Variants in UPF3A observed in about 807,000 individuals in gnomAD.
The protein encoded by UPF3A is regulator of nonsense transcripts 3A.
Under a neutral mutation model 53.5 loss-of-function variants are expected in UPF3A, and 42 were observed. The ratio of observed to expected loss-of-function variants is 0.78; its 90% confidence interval spans 0.61 to 1.01. The LOEUF (loss-of-function observed/expected upper bound fraction) is 1.01, where lower values mean the gene tolerates loss of function less well. Ranked by LOEUF, UPF3A falls within the 50% of genes least tolerant of loss-of-function variation. The pLI is 0.00. For missense variants in UPF3A, 575 were observed against 598.0 expected (o/e 0.96, Z 0.40); for synonymous variants, 237 against 225.3 (o/e 1.05, Z -0.47).
chr13:114,297,839 A>G (rs80296471), intron 7 of UPF3A, among the ~76,000 whole-genome samples: 9,003 of 152,182 alleles, frequency 0.059, 325 homozygotes, highest in Middle Eastern at 0.13. Flanking sequence ...AAAAAAAACA[A>G]CAAACAAAAA....
intron 3 of UPF3A, 196 bp downstream of exon 3, chr13:114,283,139 C>T: frequency 2.1e-6 from 1 of 479,764 alleles, no homozygotes; most frequent in South Asian, 2.3e-5. Context: ...CTCCAGCCTC[C>T]TAGGTAGCAG....
In UPF3A at chr13:114,281,727, G is replaced by T; in HGVS notation, c.88G>T (p.Glu30Ter). 3 of 1,557,444 alleles carry T rather than the reference G, an allele frequency of 1.9e-6. No homozygotes were observed. Among genetic ancestry groups the T allele is most frequent in the Non-Finnish European group, 2.6e-6 (3 of 1,151,586 alleles). The change falls in exon 1 of 10, where the codon GAA becomes TAA. Residue 30 changes from glutamate (E) to a stop codon, truncating the protein, a stop_gained. Coordinates refer to ENST00000375299, the MANE Select transcript of UPF3A (RefSeq NM_023011.4). LOFTEE classifies it high-confidence loss of function. ...CGGGAGGGAGAAGCTGTCGGCCCTA[G>T]AAGTGCAGTTCCACCGCGACTCGCA... ...PSGREKLSAL[E>*]VQFHRDSQQQ...
intron 7 of UPF3A, among the ~76,000 whole-genome samples, chr13:114,298,622 A>G (rs1338092350): frequency 3.9e-5 from 6 of 152,224 alleles, no homozygotes; most frequent in Non-Finnish European, 7.3e-5. Context: ...TTTGCATCAC[A>G]TTAACCTACC....
intron 2 of UPF3A, 112 bp from the exon 3 acceptor site, chr13:114,282,725 C>T: frequency 2.0e-6 from 3 of 1,501,824 alleles, no homozygotes; most frequent in African/African-American, 1.4e-5. Flanking sequence ...GATGATTTGG[C>T]ACAAAAGTTT....
chr13:114,282,258 C>G (rs2084153144), intron 2 of UPF3A, 131 bp downstream of exon 2: 3 of 854,026 alleles, frequency 3.5e-6, no homozygotes, highest in Non-Finnish European at 3.5e-6. Context: ...TGAATAAATA[C>G]ATTTCAGTAA....
At position 114,282,848 on chromosome 13, in the gene UPF3A, A is replaced by T; in HGVS notation, c.326A>T (p.His109Leu). Residue 109 changes from histidine to leucine, a missense_variant, in exon 3 of 10, where the codon CAT becomes CTT. His to Leu is a moderately conservative substitution (Grantham distance 99, BLOSUM62 -3). Coordinates refer to ENST00000375299, the MANE Select transcript of UPF3A (RefSeq NM_023011.4). The part of the protein sequence containing the change: ...FFAADLSLYP[H>L]LYSRAYINFR... ...ATCTCTTATTTCAGTCTTTATCCTC[A>T]TCTCTACTCAAGAGCATACATTAAT... The T allele has an allele frequency of 3.7e-6, 6 of 1,606,996 alleles. No homozygotes were observed. The highest frequency in any genetic ancestry group is 5.1e-6 in the Non-Finnish European group (6 of 1,175,808).
At chr13:114,294,422 T>C (rs1316203247) in intron 7 of UPF3A, among the ~76,000 whole-genome samples, 1 of 151,834 alleles carries the variant, frequency 6.6e-6, no homozygotes, top group Non-Finnish European at 1.5e-5. Flanking sequence ...CATACCTGAA[T>C]AGCTAATTTA....
intron 7 of UPF3A, among the ~76,000 whole-genome samples, chr13:114,297,327 A>G (rs1484277362): frequency 6.6e-6 from 1 of 152,114 alleles, no homozygotes; most frequent in African/African-American, 2.4e-5. Context: ...GGCAGATGAA[A>G]TATGTCGTGG....
intron 7 of UPF3A, among the ~76,000 whole-genome samples, chr13:114,295,300 G>GCTCTGGCCTGCTCCCC: frequency 6.6e-6 from 1 of 152,128 alleles, no homozygotes; most frequent in African/African-American, 2.4e-5. Context: ...GGGCGTGGCA[G>GCTCTGGCCTGCTCCCC]AGCTGGCCTG....
At chr13:114,295,005 G>A (rs2085723958) in intron 7 of UPF3A, among the ~76,000 whole-genome samples, 1 of 149,508 alleles carries the variant, frequency 6.7e-6, no homozygotes, top group South Asian at 2.1e-4. Flanking sequence ...CCAGCTACTT[G>A]GAAGGCTGAG....
intron 7 of UPF3A, among the ~76,000 whole-genome samples, chr13:114,294,789 C>T (rs373883369): frequency 6.6e-6 from 1 of 151,666 alleles, no homozygotes; most frequent in Non-Finnish European, 1.5e-5. Flanking sequence ...CACGCCACTG[C>T]ACTCCAGCCT....
intron 3 of UPF3A, chr13:114,285,900 T>C (rs2084637500): frequency 6.0e-6 from 1 of 165,336 alleles, no homozygotes; most frequent in African/African-American, 2.4e-5. Context: ...CGATAAATTA[T>C]TTGGGATGGG....
Position 114,304,791 on chromosome 13 carries a change from C to A in UPF3A, c.1305C>A (p.Asp435Glu). The A allele has an allele frequency of 6.2e-7, 1 of 1,613,536 alleles. No homozygotes were observed. ...APRKERLANK[D>E]RPALQLYDPG... The stretch of plus-strand genomic sequence containing the variant: ...AACATGCCCTCTTATCCTGGCAGGA[C>A]CGGCCAGCCTTGCAGCTGTATGATC... Residue 435 changes from aspartate to glutamate, a missense_variant and splice_region_variant, in exon 10 of 10, where the codon GAC becomes GAA. This residue lies in a region of UPF3A where 323 missense variants were observed against 415.2 expected (regional missense o/e 0.78). Coordinates refer to ENST00000375299, the MANE Select transcript of UPF3A (RefSeq NM_023011.4).
At chr13:114,281,993 G>T (rs182448212) in intron 1 of UPF3A, 28 bp from the exon 2 acceptor site, 828 of 1,508,808 alleles carry the variant, frequency 5.5e-4, no homozygotes, top group Non-Finnish European at 7.0e-4. Flanking sequence ...GCTCCGCCCC[G>T]GTGGGAACGG....
chr13:114,304,309 C>T (rs2086849532), intron 9 of UPF3A, among the ~76,000 whole-genome samples: 1 of 152,222 alleles, frequency 6.6e-6, no homozygotes, highest in South Asian at 2.1e-4. Context: ...CTTCATGGGT[C>T]ATTTTTATTG....
At position 114,291,669 on chromosome 13, in the gene UPF3A, G is replaced by A. The variant is rs996732768; in HGVS notation, c.723G>A (p.Arg241=). 1 of 1,607,980 alleles carries A rather than the reference G, an allele frequency of 6.2e-7. No individual in the cohort carries two copies. The highest frequency in any genetic ancestry group is 8.5e-7 in the Non-Finnish European group (1 of 1,178,170). The change falls in exon 7 of 10, where the codon AGG becomes AGA. Residue 241 remains arginine, a synonymous_variant. Coordinates refer to ENST00000375299, the MANE Select transcript of UPF3A (RefSeq NM_023011.4). ...AAGAGAAGCGAGAAGAACGGAGGAG[G>A]AGAGAGTTAGAAAAGAAACGTTTGC... ...IREEKREERR[R]RELEKKRLRE... is the part of the protein sequence containing the mutation.
intron 7 of UPF3A, among the ~76,000 whole-genome samples, chr13:114,295,426 C>T (rs533518415): frequency 3.9e-5 from 6 of 152,110 alleles, no homozygotes; most frequent in South Asian, 2.1e-4. Context: ...TCGTCTCCAG[C>T]GGCTCTGGCC....
intron 8 of UPF3A, among the ~76,000 whole-genome samples, 191 bp from the exon 9 acceptor site, chr13:114,301,540 C>T (rs891385039): frequency 4.6e-5 from 7 of 151,884 alleles, no homozygotes; most frequent in African/African-American, 1.7e-4. Flanking sequence ...GATACTATTA[C>T]TATGATTTAT....
rs760221741 is a variant in UPF3A at position 114,281,834 on chromosome 13, G to A, written c.195G>A (p.Thr65=). Residue 65 remains threonine (T), a synonymous_variant, in exon 1 of 10, where the codon ACG becomes ACA. Coordinates refer to ENST00000375299, the MANE Select transcript of UPF3A (RefSeq NM_023011.4). The part of the protein sequence containing the change: ...GAGKPREEKR[T]ALSKVVIRRL... ...GCAAACCTCGCGAGGAGAAGAGGACGGCCCTGAGCAAGGTGGGGACGGGGG... is the reference window on the plus strand; with the variant it reads ...GCAAACCTCGCGAGGAGAAGAGGACAGCCCTGAGCAAGGTGGGGACGGGGG... 3 of 1,539,484 alleles carry A rather than the reference G, an allele frequency of 1.9e-6. No individual in the cohort carries two copies. The highest frequency in any genetic ancestry group is 4.9e-5 in the East Asian group (2 of 40,808).
Sources: allele counts gnomAD v4.1 joint callset (sites outside exome capture counted in the v4.1 genomes callset), GRCh38; gene constraint gnomAD v4.1.1; regional missense constraint gnomAD v4.1.1; transcripts MANE v1.5; gene names NCBI Gene and HGNC (gene_info 2026-07-23, HGNC 2026-07-21).